The following DCC variants were observed in gnomAD, a reference collection of about 807,000 sequenced individuals.
The protein encoded by DCC is netrin receptor DCC.
In DCC, 58 loss-of-function variants were observed where a neutral mutation model predicts 172.5. The observed-to-expected ratio is 0.34, with a 90% CI of 0.27 to 0.42. The LOEUF (loss-of-function observed/expected upper bound fraction) is 0.42. DCC is among the 10% of genes least tolerant of loss of function. The pLI is 1.00. For missense variants in DCC, 1,740 were observed against 1,791.0 expected (o/e 0.97, Z 0.51); for synonymous variants, 709 against 644.5 (o/e 1.10, Z -1.52).
rs75101004 is a variant in DCC at position 53,030,072 on chromosome 18, A to C, written c.986-33233A>C. Among the ~76,000 whole-genome samples the C allele has an allele frequency of 5.2e-3, 789 of 152,264 alleles. 6 individuals carry two copies. Among genetic ancestry groups the C allele is most frequent in the Admixed American group, 0.022 (343 of 15,288 alleles). On this transcript the variant is annotated intron_variant, in intron 5 of 28. Coordinates refer to ENST00000442544, the MANE Select transcript of DCC (RefSeq NM_005215.4). ...TTTCCCCTAGTTTAACCTTTTAAGA[A>C]CTTCCTTTTCTTCCTCAACCCTCCT... is the stretch of plus-strand genomic sequence containing the variant.
intron 1 of DCC, among the ~76,000 whole-genome samples, chr18:52,341,267 G>A (rs1288850413): frequency 1.3e-5 from 2 of 152,148 alleles, no homozygotes; most frequent in Admixed American, 6.5e-5. Flanking sequence ...AGGAGCAGGC[G>A]AGGAGGACAT....
intron 27 of DCC, among the ~76,000 whole-genome samples, chr18:53,515,100 C>T (rs2046317296): frequency 6.6e-6 from 1 of 151,714 alleles, no homozygotes; most frequent in Non-Finnish European, 1.5e-5. Flanking sequence ...GCTTATCCAC[C>T]ATGATCAAGT....
chr18:53,165,384 T>C (rs2054902079), intron 8 of DCC, among the ~76,000 whole-genome samples: 1 of 152,180 alleles, frequency 6.6e-6, no homozygotes, highest in Non-Finnish European at 1.5e-5. Context: ...TATATTACAT[T>C]TTTGATGTGG....
At chr18:53,001,796 A>T (rs2041568142) in intron 5 of DCC, among the ~76,000 whole-genome samples, 1 of 152,018 alleles carries the variant, frequency 6.6e-6, no homozygotes, top group African/African-American at 2.4e-5. Context: ...AGGATTGGCC[A>T]TGTGAGTGTG....
intron 1 of DCC, among the ~76,000 whole-genome samples, chr18:52,609,380 A>G (rs1228217003): frequency 6.6e-6 from 1 of 151,348 alleles, no homozygotes; most frequent in East Asian, 1.9e-4. Context: ...AGAGGTTTTG[A>G]TCTTATTACA....
intron 17 of DCC, among the ~76,000 whole-genome samples, chr18:53,394,687 C>T (rs1908802149): frequency 6.6e-6 from 1 of 151,998 alleles, no homozygotes; most frequent in Non-Finnish European, 1.5e-5. Context: ...ATAACACATG[C>T]TTAAAATTAC....
intron 7 of DCC, among the ~76,000 whole-genome samples, chr18:53,106,599 G>A (rs890297827): frequency 1.3e-5 from 2 of 151,876 alleles, no homozygotes; most frequent in African/African-American, 4.8e-5. Context: ...CAGATTTTAA[G>A]TCCTCATTTT....
At chr18:52,942,753 T>A (rs977043089) in intron 5 of DCC, among the ~76,000 whole-genome samples, 1 of 152,204 alleles carries the variant, frequency 6.6e-6, no homozygotes, top group Non-Finnish European at 1.5e-5. Context: ...GTAGGAATTA[T>A]GGAAGTACAA....
chr18:52,890,872 AG>A (rs2039639198), intron 2 of DCC, among the ~76,000 whole-genome samples: 1 of 152,110 alleles, frequency 6.6e-6, no homozygotes, highest in Admixed American at 6.6e-5. Flanking sequence ...TTCAAAGCAA[AG>A]TCATAGAACC....
At chr18:53,318,669 A>G (rs896692500) in intron 13 of DCC, among the ~76,000 whole-genome samples, 2 of 150,730 alleles carry the variant, frequency 1.3e-5, no homozygotes, top group Non-Finnish European at 2.9e-5. Context: ...GTGCTCCTGT[A>G]TTGGGTGCAT....
At chr18:52,666,070 C>T (rs2035454464) in intron 1 of DCC, among the ~76,000 whole-genome samples, 1 of 152,114 alleles carries the variant, frequency 6.6e-6, no homozygotes, top group African/African-American at 2.4e-5. Context: ...AGGCAGATCA[C>T]CAGGTCAGGA....
intron 7 of DCC, among the ~76,000 whole-genome samples, chr18:53,115,872 G>A (rs577137492): frequency 2.6e-5 from 4 of 151,568 alleles, no homozygotes; most frequent in African/African-American, 9.7e-5. Context: ...TTACTATACT[G>A]TATTCTGTGG....
chr18:53,511,470 A>C (rs112002598), intron 27 of DCC, among the ~76,000 whole-genome samples: 1 of 152,232 alleles, frequency 6.6e-6, no homozygotes, highest in Non-Finnish European at 1.5e-5. Context: ...AGATGGCCGA[A>C]TAGGAACAGC....
chr18:52,824,225 C>T (rs923030442), intron 2 of DCC, among the ~76,000 whole-genome samples: 3 of 152,100 alleles, frequency 2.0e-5, no homozygotes, highest in Admixed American at 6.5e-5. Context: ...AACTTAGTTC[C>T]AGTAGAAGTT....
intron 19 of DCC, among the ~76,000 whole-genome samples, chr18:53,403,204 T>C (rs62100023): frequency 0.42 from 64,396 of 151,846 alleles, 15,434 homozygotes; most frequent in Non-Finnish European, 0.55. Context: ...TTAAGACCAC[T>C]TTCTAATGGA....
intron 2 of DCC, among the ~76,000 whole-genome samples, chr18:52,761,645 CA>C: frequency 6.6e-6 from 1 of 152,160 alleles, no homozygotes; most frequent in South Asian, 2.1e-4. Context: ...TGAACAAACA[CA>C]AACCCATGCA....
intron 4 of DCC, 151 bp from the exon 5 acceptor site, chr18:52,925,083 C>G (rs1568190254): frequency 4.0e-6 from 3 of 741,160 alleles, no homozygotes. Flanking sequence ...ATTTTTGGAT[C>G]AATAAGTGAG....
At chr18:53,000,912 G>A (rs2041555697) in intron 5 of DCC, among the ~76,000 whole-genome samples, 1 of 151,966 alleles carries the variant, frequency 6.6e-6, no homozygotes, top group South Asian at 2.1e-4. Flanking sequence ...ATTACTTTTA[G>A]TACTTTTCTC....
chr18:53,175,616 AC>A, intron 8 of DCC, among the ~76,000 whole-genome samples: 1 of 151,730 alleles, frequency 6.6e-6, no homozygotes, highest in Admixed American at 6.6e-5. Flanking sequence ...AATCCAACTT[AC>A]AAGGGATGTG....
Sources: allele counts gnomAD v4.1 joint callset (sites outside exome capture counted in the v4.1 genomes callset), GRCh38; gene constraint gnomAD v4.1.1; transcripts MANE v1.5; gene names NCBI Gene and HGNC (gene_info 2026-07-23, HGNC 2026-07-21).